Variants in SUPT20H observed in about 807,000 individuals in gnomAD.
The protein encoded by SUPT20H is transcription factor SPT20 homolog.
In SUPT20H, 82 loss-of-function variants were observed where a neutral mutation model predicts 122.8. The ratio of observed to expected loss-of-function variants is 0.67; its 90% CI spans 0.56 to 0.80. SUPT20H has a LOEUF of 0.80. Among genes scored for constraint, SUPT20H ranks in the 30% least tolerant of loss-of-function variants. The pLI, the probability that SUPT20H is intolerant of heterozygous loss-of-function variation, is 0.00. For missense variants in SUPT20H, 831 were observed against 921.6 expected (o/e 0.90, Z 1.27); for synonymous variants, 291 against 313.0 (o/e 0.93, Z 0.74).
rs114284588 is a variant in SUPT20H at position 37,030,990 on chromosome 13, T to C, written c.921+577A>G. On this transcript the variant is annotated intron_variant, in intron 12 of 25. Coordinates refer to ENST00000350612, the MANE Select transcript of SUPT20H (RefSeq NM_001014286.3). ...CTGAAAATAAAGAGTTGAGTGAATA[T>C]AAAAAACAACAGAGGAGAAAGAAAA... 2.4e-3 allele frequency among the ~76,000 whole-genome samples: 368 copies of C among 152,174 alleles called. 3 individuals are homozygous for C. Among genetic ancestry groups the C allele is most frequent in the African/African-American group, 8.2e-3 (339 of 41,524 alleles).
intron 1 of SUPT20H, among the ~76,000 whole-genome samples, chr13:37,053,618 C>T (rs931635746): frequency 8.6e-5 from 13 of 151,858 alleles, no homozygotes; most frequent in African/African-American, 2.4e-4. Context: ...TACAGCAAAC[C>T]ACCATGGCAC....
intron 12 of SUPT20H, among the ~76,000 whole-genome samples, chr13:37,030,121 A>G (rs538916219): frequency 2.0e-5 from 3 of 152,250 alleles, no homozygotes; most frequent in African/African-American, 7.2e-5. Flanking sequence ...CCATAAGCTG[A>G]TATGTTTTTC....
intron 24 of SUPT20H, 73 bp downstream of exon 24, chr13:37,012,119 T>G: frequency 8.3e-7 from 1 of 1,202,896 alleles, no homozygotes; most frequent in South Asian, 1.3e-5. Flanking sequence ...AAGAAAATAA[T>G]TTAAGCGGTG....
intron 7 of SUPT20H, 68 bp downstream of exon 7, chr13:37,044,010 A>AATACATACATACATATATAT: frequency 1.0e-6 from 1 of 963,056 alleles, no homozygotes; most frequent in Non-Finnish European, 1.6e-6. Flanking sequence ...CATACATAAA[A>AATACATACATACATATATAT]ATGTGACATA....
chr13:37,046,032 T>C (rs757963224), intron 5 of SUPT20H, among the ~76,000 whole-genome samples: 29 of 152,258 alleles, frequency 1.9e-4, no homozygotes, highest in Non-Finnish European at 3.4e-4. Context: ...TAACAAATCA[T>C]GTCATCAAAT....
intron 2 of SUPT20H, among the ~76,000 whole-genome samples, chr13:37,050,347 CAAAAAAAA>C (rs61668901): frequency 1.3e-4 from 10 of 76,998 alleles, no homozygotes; most frequent in Admixed American, 3.1e-4. Context: ...CTGTCACTAC[CAAAAAAAA>C]AAAAAAAAAA....
chr13:37,010,812 G>C, intron 24 of SUPT20H, 157 bp from the exon 25 acceptor site: 1 of 557,912 alleles, frequency 1.8e-6, no homozygotes, highest in Admixed American at 3.0e-5. Flanking sequence ...TTTAGTATAT[G>C]GTCTCCTGTT....
chr13:37,051,327 T>C (rs887154052), intron 2 of SUPT20H, among the ~76,000 whole-genome samples, 161 bp downstream of exon 2: 6 of 152,202 alleles, frequency 3.9e-5, no homozygotes, highest in Non-Finnish European at 8.8e-5. Context: ...ATATACTTTA[T>C]AGAGAAGACT....
At chr13:37,048,222 C>A (rs560569732) in intron 3 of SUPT20H, among the ~76,000 whole-genome samples, 1 of 152,106 alleles carries the variant, frequency 6.6e-6, no homozygotes, top group African/African-American at 2.4e-5. Flanking sequence ...TATGGTTGTT[C>A]AAAATATGCT....
Position 37,056,178 on chromosome 13 carries a change from T to C in SUPT20H, c.-94+3381A>G, listed in dbSNP as rs551382711. 3.4e-4 allele frequency among the ~76,000 whole-genome samples: 52 copies of C among 152,348 alleles called. No individual in the cohort carries two copies. The South Asian group carries it at 0.01, about 30-fold the overall frequency. The stretch of plus-strand genomic sequence containing the variant: ...TTACATTGTTGGTGGGACTGTAAAC[T>C]AGCTCAACCATTGTGGAAGTCAGTG... On this transcript the variant is annotated intron_variant, in intron 1 of 25. Coordinates refer to ENST00000350612, the MANE Select transcript of SUPT20H (RefSeq NM_001014286.3).
chr13:37,018,039 C>T (rs140143865), intron 22 of SUPT20H, among the ~76,000 whole-genome samples: 2 of 152,006 alleles, frequency 1.3e-5, no homozygotes, highest in African/African-American at 2.4e-5. Flanking sequence ...GGTTTATATA[C>T]GGACCACTTT....
At chr13:37,026,924 A>G (rs2062389789) in intron 14 of SUPT20H, 108 bp from the exon 15 acceptor site, 2 of 685,680 alleles carry the variant, frequency 2.9e-6, no homozygotes, top group Non-Finnish European at 4.4e-6. Context: ...CTGGAAGATA[A>G]TAAATCATGC....
intron 12 of SUPT20H, among the ~76,000 whole-genome samples, chr13:37,030,778 T>C (rs1038440774): frequency 1.3e-5 from 2 of 152,210 alleles, no homozygotes; most frequent in African/African-American, 4.8e-5. Flanking sequence ...AATTCTATTA[T>C]CAGGCCATGT....
chr13:37,047,376 T>C (rs1034884493), intron 5 of SUPT20H, 159 bp downstream of exon 5: 4 of 707,698 alleles, frequency 5.7e-6, no homozygotes, highest in Non-Finnish European at 8.2e-6. Context: ...TGGTGCCAGA[T>C]TAGCCAGAGC....
rs762519599 is a variant in SUPT20H at position 37,024,425 on chromosome 13, T to A, written c.1347A>T (p.Ser449=). The change falls in exon 18 of 26, where the codon TCA becomes TCT. Residue 449 remains serine (S), a synonymous_variant. Transcript: ENST00000350612. ...CCTTCCCCAATACCGAAGACTGAAC[T>A]GACACGGTTTCAGTTTGCTAAAAGA... ...GKETDQTETV[S]VQSSVLGKGV... is the part of the protein sequence containing the mutation. 11 of 1,563,984 alleles carry A rather than the reference T, an allele frequency of 7.0e-6. No homozygotes were observed. The South Asian group carries it at 1.2e-4, about 18-fold the overall frequency.
In SUPT20H at chr13:37,024,359, G is replaced by A; in HGVS notation, c.1413C>T (p.Ser471=). 1 of 1,589,976 alleles carries A rather than the reference G, an allele frequency of 6.3e-7. No homozygotes were observed. Among genetic ancestry groups the A allele is most frequent in the South Asian group, 1.2e-5 (1 of 85,740 alleles). The part of the protein sequence containing the change: ...HRPPPIKLPS[S]SGNSSSGNYF... ...TAATACCTGAGGAACTATTTCCTGA[G>A]CTTGAGGGAAGTTTGATTGGTGGGG... is the stretch of plus-strand genomic sequence containing the variant. The change falls in exon 18 of 26, where the codon AGC becomes AGT. Residue 471 remains serine, a synonymous_variant. Coordinates refer to ENST00000350612, the MANE Select transcript of SUPT20H (RefSeq NM_001014286.3).
rs879450316 is a variant in SUPT20H, at chr13:37,059,653, C to T, written c.-188G>A. 1 of 152,428 alleles carries T rather than the reference C, an allele frequency of 6.6e-6. No individual in the cohort carries two copies. Among genetic ancestry groups the T allele is most frequent in the Admixed American group, 6.5e-5 (1 of 15,290 alleles). 9.4% of individuals were successfully genotyped at this position (152,428 alleles called of 1,614,324 possible). ...CGTCGGCGGCTCAGTGCTGCACCCC[C>T]ACCAACAGCCAGTTCCGGCGGCCGC... On this transcript the variant is annotated 5_prime_UTR_variant, in exon 1 of 26. Transcript: ENST00000350612.
Position 37,009,664 on chromosome 13 carries a change from T to C in SUPT20H, c.*8A>G, listed in dbSNP as rs201986233. The C allele has an allele frequency of 2.5e-4, 396 of 1,613,208 alleles. No individual in the cohort carries two copies. The highest frequency in any genetic ancestry group is 3.2e-4 in the Non-Finnish European group (376 of 1,179,812). ...TTTTTAAAAAAGGAACAAAAAGTAATGCAAGACTCAAAATTTTGGAGTGGT... is the reference window on the plus strand; with the variant it reads ...TTTTTAAAAAAGGAACAAAAAGTAACGCAAGACTCAAAATTTTGGAGTGGT... On this transcript the variant is annotated 3_prime_UTR_variant, in exon 26 of 26. Coordinates refer to ENST00000350612, the MANE Select transcript of SUPT20H (RefSeq NM_001014286.3).
rs1451604484 is a variant in SUPT20H, at chr13:37,059,637, C to T, written c.-172G>A. On this transcript the variant is annotated 5_prime_UTR_variant, in exon 1 of 26. Transcript: ENST00000350612. ...CAAAGCCCACCCGCCCCGTCGGCGG[C>T]TCAGTGCTGCACCCCCACCAACAGC... The T allele has an allele frequency of 6.6e-6, 1 of 152,312 alleles. No individual in the cohort carries two copies. Among genetic ancestry groups the T allele is most frequent in the East Asian group, 1.9e-4 (1 of 5,202 alleles). The allele number at this position is 152,312 out of a possible 1,614,324, so 9.4% of individuals were successfully genotyped here. A position where few individuals can be genotyped will look rare whatever the true frequency, so the allele number is the denominator to read the frequency against.
Sources: gnomAD v4.1 joint callset for allele counts (sites outside exome capture counted in the v4.1 genomes callset) on GRCh38, gnomAD v4.1.1 for gene constraint, MANE v1.5 for transcripts, NCBI Gene and HGNC (gene_info 2026-07-23, HGNC 2026-07-21) for gene names.